RBM6: variants seen among roughly 807,000 people sequenced by gnomAD.
RBM6 encodes RNA-binding protein 6.
Under a neutral mutation model 140.4 loss-of-function variants are expected in RBM6, and 23 were observed. The observed-to-expected ratio is 0.16, with a 90% confidence interval of 0.12 to 0.23. The LOEUF (loss-of-function observed/expected upper bound fraction) is 0.23. Ranked by LOEUF, RBM6 falls within the 10% of genes least tolerant of loss-of-function variation. The pLI is 1.00. For synonymous variants in RBM6, 439 were observed against 475.6 expected (o/e 0.92, Z 1.00); for missense variants, 1,139 against 1,386.7 (o/e 0.82, Z 2.84).
chr3:50,044,012 C>T (rs1199869287), intron 6 of RBM6, among the ~76,000 whole-genome samples: 1 of 151,946 alleles, frequency 6.6e-6, no homozygotes. Flanking sequence ...TTCCGACTGG[C>T]TGGGACTGCA....
At chr3:49,957,981 G>A (rs943206558) in intron 1 of RBM6, among the ~76,000 whole-genome samples, 4 of 152,050 alleles carry the variant, frequency 2.6e-5, no homozygotes, top group Non-Finnish European at 5.9e-5. Flanking sequence ...GTAGTTGTAC[G>A]CCACCACACG....
rs1380258960 is a variant in RBM6 at position 50,058,253 on chromosome 3, T to C, written c.1970-149T>C. The C allele has an allele frequency of 8.1e-6, 8 of 982,218 alleles. No homozygotes were observed. In the East Asian group the frequency reaches 1.9e-4, roughly 24 times the overall value. The allele number at this position is 982,218 out of a possible 1,614,324, so 60.8% of individuals were successfully genotyped here. On this transcript the variant is annotated intron_variant, in intron 9 of 20. Coordinates refer to ENST00000266022, the MANE Select transcript of RBM6 (RefSeq NM_005777.3). ...ATTTCTAAGTATTGGTGAAGAAAAG[T>C]ATGCAGTATTTATTTGTTTAGCATT...
chr3:50,012,249 C>T (rs1419407581), intron 6 of RBM6, among the ~76,000 whole-genome samples: 1 of 152,044 alleles, frequency 6.6e-6, no homozygotes, highest in Non-Finnish European at 1.5e-5. Flanking sequence ...AGGTCTCAAT[C>T]TATTGCCAAG....
intron 5 of RBM6, among the ~76,000 whole-genome samples, chr3:49,980,618 CG>C (rs1559548650): frequency 1.3e-5 from 2 of 151,284 alleles, no homozygotes; most frequent in Non-Finnish European, 2.9e-5. Context: ...AAAAATTAGC[CG>C]GGCGTGGTGG....
At chr3:49,989,159 C>T (rs2085699245) in intron 5 of RBM6, among the ~76,000 whole-genome samples, 1 of 152,022 alleles carries the variant, frequency 6.6e-6, no homozygotes, top group East Asian at 1.9e-4. Flanking sequence ...GTGCACCAAA[C>T]GAAACAACTT....
chr3:49,973,702 C>T (rs1426396961), intron 4 of RBM6, among the ~76,000 whole-genome samples: 8 of 148,554 alleles, frequency 5.4e-5, no homozygotes, highest in Admixed American at 3.4e-4. Context: ...TCTCCTGCCT[C>T]AGCCTCCCAA....
chr3:49,950,055 G>C (rs986347555), intron 1 of RBM6, among the ~76,000 whole-genome samples: 5 of 152,068 alleles, frequency 3.3e-5, no homozygotes, highest in African/African-American at 4.8e-5. Flanking sequence ...GATATTTTGG[G>C]GGGCAAGGGT....
In RBM6 at chr3:50,021,740, C is replaced by CTTTTTTTTTTTTTT. The variant is rs542734328; in HGVS notation, c.1557+22244_1557+22257dup. On this transcript the variant is annotated intron_variant, in intron 6 of 20. Transcript: ENST00000266022. ...ATCTCCATACTGAGGAATTTAAGTG[C>CTTTTTTTTTTTTTT]TTTTTTTTTTTTTTTTTTTTTTTTT... Among the ~76,000 whole-genome samples the CTTTTTTTTTTTTTT allele has an allele frequency of 1.5e-3, 66 of 42,754 alleles. 21 individuals carry two copies. The highest frequency in any genetic ancestry group is 1.7e-3 in the East Asian group (2 of 1,146). 28.0% of individuals were successfully genotyped at this position (42,754 alleles called of 152,430 possible).
intron 1 of RBM6, among the ~76,000 whole-genome samples, chr3:49,947,062 C>T (rs1383539309): frequency 1.4e-5 from 2 of 141,058 alleles, no homozygotes; most frequent in Non-Finnish European, 3.0e-5. Context: ...ACGGTGAAAC[C>T]CTGTCTCTAC....
intron 6 of RBM6, among the ~76,000 whole-genome samples, chr3:50,043,190 A>G (rs2089023121): frequency 6.6e-6 from 1 of 152,120 alleles, no homozygotes; most frequent in African/African-American, 2.4e-5. Flanking sequence ...TTTCTAATAT[A>G]TGGTACCTCT....
At chr3:49,985,049 A>G (rs1213081912) in intron 5 of RBM6, among the ~76,000 whole-genome samples, 1 of 152,196 alleles carries the variant, frequency 6.6e-6, no homozygotes, top group East Asian at 1.9e-4. Flanking sequence ...GTTGGCTTCT[A>G]TAGTCCTCAC....
intron 1 of RBM6, among the ~76,000 whole-genome samples, chr3:49,941,904 G>C (rs1326712484): frequency 6.7e-6 from 1 of 149,030 alleles, no homozygotes; most frequent in Admixed American, 6.7e-5. Context: ...GTGAGCCTGG[G>C]CAACATCGCA....
intron 6 of RBM6, among the ~76,000 whole-genome samples, chr3:50,007,958 T>A (rs1467232341): frequency 6.6e-6 from 1 of 152,208 alleles, no homozygotes; most frequent in Admixed American, 6.5e-5. Flanking sequence ...TAGCTGGGTA[T>A]GGTGGTGCAC....
intron 11 of RBM6, 198 bp from the exon 12 acceptor site, chr3:50,060,753 CAAAAA>C (rs35467618): frequency 1.8e-3 from 221 of 122,164 alleles, no homozygotes; most frequent in Non-Finnish European, 2.2e-3. Context: ...GACTCCGTCT[CAAAAA>C]AAAAAAAAAA....
intron 1 of RBM6, among the ~76,000 whole-genome samples, chr3:49,944,939 T>C (rs1241309316): frequency 1.4e-5 from 2 of 147,512 alleles, no homozygotes; most frequent in African/African-American, 5.0e-5. Context: ...TGCAGTGGCG[T>C]GATCTCGGCT....
chr3:50,011,511 G>A (rs1479192624), intron 6 of RBM6, among the ~76,000 whole-genome samples: 1 of 152,180 alleles, frequency 6.6e-6, no homozygotes, highest in Non-Finnish European at 1.5e-5. Flanking sequence ...AGTTGTCAAT[G>A]TAGACCTTTC....
chr3:49,975,471 T>C, intron 5 of RBM6, 79 bp downstream of exon 5: 1 of 1,245,284 alleles, frequency 8.0e-7, no homozygotes, highest in Non-Finnish European at 1.2e-6. Flanking sequence ...TACTTAAAAT[T>C]TGTTTCAAGA....
intron 5 of RBM6, among the ~76,000 whole-genome samples, chr3:49,984,436 C>T (rs1216106393): frequency 6.6e-6 from 1 of 152,114 alleles, no homozygotes; most frequent in Non-Finnish European, 1.5e-5. Flanking sequence ...GCAAAACTCC[C>T]ATCTCTACTA....
chr3:50,076,950 C>T, intron 20 of RBM6, 58 bp from the exon 21 acceptor site: 1 of 1,531,210 alleles, frequency 6.5e-7, no homozygotes, highest in Non-Finnish European at 8.8e-7. Flanking sequence ...GGTCAAAGAC[C>T]AGCGCTGAGG....
Sources: gnomAD v4.1 joint callset for allele counts (sites outside exome capture counted in the v4.1 genomes callset) on GRCh38, gnomAD v4.1.1 for gene constraint, MANE v1.5 for transcripts, NCBI Gene and HGNC (gene_info 2026-07-23, HGNC 2026-07-21) for gene names.